The following TPRG1 variants were observed in gnomAD, a reference collection of about 807,000 sequenced individuals.
TPRG1 encodes the protein tumor protein p63-regulated gene 1 protein.
In TPRG1, 29 loss-of-function variants were observed where a neutral mutation model predicts 29.3. That is an observed-to-expected ratio of 0.99 (90% CI 0.74 to 1.35). The LOEUF is 1.35. Among genes scored for constraint, TPRG1 ranks in the 40% most tolerant of loss-of-function variants. The pLI, the probability that TPRG1 is intolerant of heterozygous loss-of-function variation, is 0.00. For missense variants in TPRG1, 327 were observed against 335.0 expected (o/e 0.98, Z 0.19); for synonymous variants, 130 against 116.8 (o/e 1.11, Z -0.73).
intron 4 of TPRG1, among the ~76,000 whole-genome samples, chr3:189,066,959 A>G (rs1716494056): frequency 6.6e-6 from 1 of 152,180 alleles, no homozygotes; most frequent in Non-Finnish European, 1.5e-5. Context: ...ACTCATAAAC[A>G]GATTCAGTAA....
intron 4 of TPRG1, among the ~76,000 whole-genome samples, chr3:189,274,029 A>G (rs1715674156): frequency 6.6e-6 from 1 of 151,168 alleles, no homozygotes; most frequent in Non-Finnish European, 1.5e-5. Flanking sequence ...ATTATGTTGA[A>G]TGGCCTCATG....
intron 1 of TPRG1, among the ~76,000 whole-genome samples, chr3:189,101,472 G>C (rs1023408235): frequency 6.6e-6 from 1 of 151,818 alleles, no homozygotes; most frequent in Admixed American, 6.6e-5. Context: ...ACCCCCCACT[G>C]TCAACCATGG....
chr3:189,173,474 G>C (rs1729093748), intron 1 of TPRG1, among the ~76,000 whole-genome samples: 1 of 151,196 alleles, frequency 6.6e-6, no homozygotes, highest in South Asian at 2.1e-4. Context: ...TGAGTAGCTG[G>C]GATTACAGGC....
chr3:189,283,684 T>A (rs1717536756), intron 4 of TPRG1, among the ~76,000 whole-genome samples: 2 of 152,228 alleles, frequency 1.3e-5, no homozygotes, highest in Admixed American at 6.5e-5. Context: ...TTCATAAACA[T>A]TTGTTAAATC....
At chr3:189,041,594 C>G (rs780712894) in intron 4 of TPRG1, among the ~76,000 whole-genome samples, 1 of 152,336 alleles carries the variant, frequency 6.6e-6, no homozygotes, top group South Asian at 2.1e-4. Context: ...CTTCCCTTCT[C>G]ACCCCATGTG....
chr3:189,286,908 C>T lies in TPRG1; in HGVS notation c.480-23478C>T, dbSNP rs143370363. ...GGGAGGCACTCCTGTATCCTTCTAA[C>T]GAACTCCTCTTTTTCACTTGGGTCA... On this transcript the variant is annotated intron_variant, in intron 4 of 5. Coordinates refer to ENST00000345063, the MANE Select transcript of TPRG1 (RefSeq NM_198485.4). 8.7e-3 allele frequency among the ~76,000 whole-genome samples: 1,318 copies of T among 152,168 alleles called. 26 individuals are homozygous for T. Among genetic ancestry groups the T allele is most frequent in the African/African-American group, 0.029 (1,193 of 41,522 alleles).
intron 4 of TPRG1, among the ~76,000 whole-genome samples, chr3:189,253,899 C>T (rs975091322): frequency 1.3e-5 from 2 of 152,156 alleles, no homozygotes; most frequent in African/African-American, 2.4e-5. Flanking sequence ...TAAATGTCTT[C>T]TTTTGAAAAG....
chr3:189,161,464 CT>C (rs869300717), intron 5 of TPRG1, among the ~76,000 whole-genome samples: 1,287 of 103,028 alleles, frequency 0.012, 8 homozygotes, highest in African/African-American at 0.054. Flanking sequence ...GTAGTAGGTT[CT>C]TTTTTTTTAT....
At chr3:189,221,735 A>G (rs1200134193) in intron 3 of TPRG1, among the ~76,000 whole-genome samples, 2 of 152,226 alleles carry the variant, frequency 1.3e-5, no homozygotes, top group Non-Finnish European at 2.9e-5. Flanking sequence ...CTGGTCCCCA[A>G]AGTGACACTG....
At chr3:189,248,032 C>T (rs1030406455) in intron 4 of TPRG1, among the ~76,000 whole-genome samples, 9 of 151,538 alleles carry the variant, frequency 5.9e-5, no homozygotes, top group Non-Finnish European at 1.0e-4. Flanking sequence ...TTAAAAACTA[C>T]TTTCTCTTTA....
intron 4 of TPRG1, among the ~76,000 whole-genome samples, chr3:189,303,523 A>T (rs972655813): frequency 2.0e-4 from 31 of 152,174 alleles, no homozygotes; most frequent in Non-Finnish European, 3.8e-4. Flanking sequence ...TATAAATGCA[A>T]GGATTTGAAC....
At chr3:189,125,750 C>G (rs774101581) in intron 1 of TPRG1, among the ~76,000 whole-genome samples, 1 of 150,502 alleles carries the variant, frequency 6.6e-6, no homozygotes, top group Non-Finnish European at 1.5e-5. Context: ...TTCTTTATAT[C>G]AGACTTATTT....
intron 1 of TPRG1, among the ~76,000 whole-genome samples, chr3:189,194,815 G>A (rs1231348261): frequency 6.6e-6 from 1 of 152,152 alleles, no homozygotes; most frequent in South Asian, 2.1e-4. Context: ...GCCAGGTGCA[G>A]TGGCAACAGT....
At chr3:189,190,984 C>T in intron 1 of TPRG1, 1 of 985,384 alleles carries the variant, frequency 1.0e-6, no homozygotes, top group Non-Finnish European at 1.2e-6. Context: ...GCGAATATCA[C>T]AGGTAGGTCT....
intron 1 of TPRG1, among the ~76,000 whole-genome samples, chr3:189,193,241 G>C (rs1022340589): frequency 6.8e-6 from 1 of 146,418 alleles, no homozygotes; most frequent in African/African-American, 2.5e-5. Context: ...GCTCAAGCAA[G>C]TCTTCCACCT....
At chr3:189,275,903 A>G (rs988623070) in intron 4 of TPRG1, among the ~76,000 whole-genome samples, 1 of 152,152 alleles carries the variant, frequency 6.6e-6, no homozygotes, top group East Asian at 1.9e-4. Context: ...TCATACCTCA[A>G]AGTCTTCAGT....
chr3:189,288,378 G>C (rs560336120), intron 4 of TPRG1, among the ~76,000 whole-genome samples: 18 of 152,258 alleles, frequency 1.2e-4, no homozygotes, highest in Non-Finnish European at 2.2e-4. Flanking sequence ...GTACATTGCA[G>C]GAGAAGAGGA....
intron 1 of TPRG1, among the ~76,000 whole-genome samples, chr3:189,183,695 T>C (rs966339446): frequency 2.6e-5 from 4 of 152,080 alleles, no homozygotes; most frequent in Non-Finnish European, 5.9e-5. Context: ...AAGAGAAATA[T>C]GGCTCTGTTC....
At chr3:189,022,214 A>G (rs187704313) in intron 3 of TPRG1, among the ~76,000 whole-genome samples, 64 of 152,106 alleles carry the variant, frequency 4.2e-4, no homozygotes, top group African/African-American at 1.5e-3. Flanking sequence ...GATCGTCTGA[A>G]GTCTTCTTCT....
Sources: gnomAD v4.1 joint callset for allele counts (sites outside exome capture counted in the v4.1 genomes callset) on GRCh38, gnomAD v4.1.1 for gene constraint, MANE v1.5 for transcripts, NCBI Gene and HGNC (gene_info 2026-07-23, HGNC 2026-07-21) for gene names.